DNAJC22: variants seen among roughly 807,000 people sequenced by gnomAD.
DNAJC22 encodes the protein DnaJ heat shock protein family (Hsp40) member C22.
DNAJC22 carries 24 observed loss-of-function variants against 22.2 expected under a neutral mutation model. The observed-to-expected ratio is 1.08, with a 90% CI of 0.78 to 1.52. The LOEUF (loss-of-function observed/expected upper bound fraction) is 1.52, where lower values mean the gene tolerates loss of function less well. DNAJC22 is among the 40% of genes most tolerant of loss of function. The probability of loss-of-function intolerance (pLI) is 0.00; values close to 1 mark genes in which losing one functional copy is unlikely to be tolerated. For synonymous variants in DNAJC22, 160 were observed against 167.4 expected (o/e 0.96, Z 0.34); for missense variants, 434 against 421.7 (o/e 1.03, Z -0.26).
At position 49,349,705 on chromosome 12, in the gene DNAJC22, C is replaced by T. The variant is rs1180843815; in HGVS notation, c.833C>T (p.Ala278Val). 3.1e-6 allele frequency: 5 copies of T among 1,614,058 alleles called. No individual in the cohort carries two copies. The highest frequency in any genetic ancestry group is 4.2e-6 in the Non-Finnish European group (5 of 1,180,036). The change falls in exon 3 of 4, where the codon GCT becomes GTT. Residue 278 changes from alanine to valine, a missense_variant. Transcript: ENST00000549441. Reference protein sequence around the residue: ...HSFQDEKRQLAYQVLGLSEGA... With the variant: ...HSFQDEKRQLVYQVLGLSEGA... ...TTTCAGGATGAGAAGCGTCAGCTGG[C>T]TTACCAGGTAAGGCTTTCTTCCCTC...
chr12:49,350,097 G>A (rs1203339340), intron 3 of DNAJC22, among the ~76,000 whole-genome samples: 2 of 145,458 alleles, frequency 1.4e-5, no homozygotes, highest in Non-Finnish European at 3.0e-5. Context: ...TTTTTTTTGA[G>A]ATGGAGTCTC....
At position 49,347,759 on chromosome 12, in the gene DNAJC22, T is replaced by A. The variant is rs1415421130; in HGVS notation, c.-454T>A. ...GTCTGGGGACCGCCCGGACCCCCCC[T>A]TCCATCGGCGGCAGCGCCACCTGGC... On this transcript the variant is annotated 5_prime_UTR_variant, in exon 2 of 4. Coordinates refer to ENST00000549441, the MANE Select transcript of DNAJC22 (RefSeq NM_001304944.2). 1 of 152,466 alleles carries A rather than the reference T, an allele frequency of 6.6e-6. No homozygotes were observed. The highest frequency in any genetic ancestry group is 1.5e-5 in the Non-Finnish European group (1 of 68,242). 9.4% of individuals were successfully genotyped at this position (152,466 alleles called of 1,614,324 possible).
chr12:49,349,839 G>A, intron 3 of DNAJC22, 127 bp downstream of exon 3: 2 of 1,516,252 alleles, frequency 1.3e-6, no homozygotes, highest in East Asian at 4.5e-5. Flanking sequence ...GTGTACAATG[G>A]GCAAAGGTTA....
chr12:49,351,900 C>CAA lies in DNAJC22; in HGVS notation c.*411_*412dup, dbSNP rs1471610984. ...GGGCAACAAGAGTGAAACTCCGTCT[C>CAA]AAAAAAAAAAAAAAGAAAGAAAAAC... is the stretch of plus-strand genomic sequence containing the variant. On this transcript the variant is annotated 3_prime_UTR_variant, in exon 4 of 4. Transcript: ENST00000549441. 33 of 94,884 alleles carry CAA rather than the reference C, an allele frequency of 3.5e-4. 1 individual carries two copies. The highest frequency in any genetic ancestry group is 9.6e-4 in the African/African-American group (27 of 28,148). The allele number at this position is 94,884 out of a possible 1,614,324, so 5.9% of individuals were successfully genotyped here. A position where few individuals can be genotyped will look rare whatever the true frequency, so the allele number is the denominator to read the frequency against.
rs1943716350 is a variant in DNAJC22 at position 49,347,713 on chromosome 12, GCCTCGGTA to G, written c.-497_-490del. ...CATAGGGGCAGTCCTGTGCTGCTGT[GCCTCGGTA>G]CCCGCACAAGGTGTCTGGGGACCGC... is the stretch of plus-strand genomic sequence containing the variant. On this transcript the variant is annotated 5_prime_UTR_variant, in exon 2 of 4. Coordinates refer to ENST00000549441, the MANE Select transcript of DNAJC22 (RefSeq NM_001304944.2). The G allele has an allele frequency of 6.6e-6, 1 of 152,318 alleles. No homozygotes were observed. The highest frequency in any genetic ancestry group is 1.5e-5 in the Non-Finnish European group (1 of 68,094). The allele number at this position is 152,318 out of a possible 1,614,324, so 9.4% of individuals were successfully genotyped here.
rs1376347587 is a variant in DNAJC22 at position 49,349,393 on chromosome 12, C to T, written c.521C>T (p.Ala174Val). The stretch of plus-strand genomic sequence containing the variant: ...CATCGCCGCTACAAAGCTTTGGTGG[C>T]ATCAGAGCCGCTCAGTGTGCGGCTC... Reference protein sequence around the residue: ...QRHRRYKALVASEPLSVRLYR... With the variant: ...QRHRRYKALVVSEPLSVRLYR... The change falls in exon 3 of 4, where the codon GCA (alanine) becomes GTA (valine). Residue 174 changes from alanine to valine, a missense_variant. Physicochemically the swap from Ala to Val is moderately conservative, Grantham distance 64. Transcript: ENST00000549441. 11 of 1,607,668 alleles carry T rather than the reference C, an allele frequency of 6.8e-6. No homozygotes were observed. Among genetic ancestry groups the T allele is most frequent in the South Asian group, 3.3e-5 (3 of 90,266 alleles).
In DNAJC22 at chr12:49,349,469, T is replaced by G. The variant is rs759025648; in HGVS notation, c.597T>G (p.Ser199Arg). 2 of 1,614,218 alleles carry G rather than the reference T, an allele frequency of 1.2e-6. No individual in the cohort carries two copies. The highest frequency in any genetic ancestry group is 3.3e-5 in the Admixed American group (2 of 60,030). ...CTTTCACAGGCCCACTGGCATACAG[T>G]GCCCTCTGCAACACAGCTGCCACCC... ...YLAFTGPLAY[S>R]ALCNTAATLS... Residue 199 changes from serine to arginine, a missense_variant, in exon 3 of 4, where the codon AGT becomes AGG. By Grantham distance (110) the Ser-to-Arg change is moderately radical. Coordinates refer to ENST00000549441, the MANE Select transcript of DNAJC22 (RefSeq NM_001304944.2).
Position 49,349,595 on chromosome 12 carries a change from G to A in DNAJC22, c.723G>A (p.Arg241=), listed in dbSNP as rs1347445914. The change falls in exon 3 of 4, where the codon CGG becomes CGA. Residue 241 remains arginine (R), a synonymous_variant. Transcript: ENST00000549441. ...LMEFVLLLPY[R]IWRLLMGETG... is the part of the protein sequence containing the mutation. The stretch of plus-strand genomic sequence containing the variant: ...AGTTTGTCCTCCTTCTGCCTTACCG[G>A]ATCTGGAGGCTACTGATGGGGGAGA... 1 of 1,614,244 alleles carries A rather than the reference G, an allele frequency of 6.2e-7. No individual in the cohort carries two copies. The highest frequency in any genetic ancestry group is 2.2e-5 in the East Asian group (1 of 44,888).
intron 3 of DNAJC22, among the ~76,000 whole-genome samples, chr12:49,350,083 T>TC (rs990869601): frequency 6.7e-5 from 10 of 148,186 alleles, no homozygotes; most frequent in African/African-American, 2.4e-4. Context: ...TTCTTCTTCT[T>TC]TTTTTTTTTT....
Position 49,351,296 on chromosome 12 carries a change from G to C in DNAJC22, c.841-21G>C, listed in dbSNP as rs1298995136. On this transcript the variant is annotated intron_variant, in intron 3 of 3. Coordinates refer to ENST00000549441, the MANE Select transcript of DNAJC22 (RefSeq NM_001304944.2). ...CTGACAACTTGGGGGATTCTAATTT[G>C]TCATCTTCTGTTTCCATAAGGTTTT... The C allele has an allele frequency of 1.9e-6, 3 of 1,613,014 alleles. No individual in the cohort carries two copies. The South Asian group carries it at 3.3e-5, about 18-fold the overall frequency.
Position 49,352,686 on chromosome 12 carries a change from T to C in DNAJC22, c.*1184T>C, listed in dbSNP as rs1210355964. ...TAGATGGGGTGAGACTAGGATTAAA[T>C]TTCAAAATTTGAGAAAAATATTTTC... On this transcript the variant is annotated 3_prime_UTR_variant, in exon 4 of 4. Coordinates refer to ENST00000549441, the MANE Select transcript of DNAJC22 (RefSeq NM_001304944.2). The C allele has an allele frequency of 6.6e-6, 1 of 152,212 alleles. No individual in the cohort carries two copies. 9.4% of individuals were successfully genotyped at this position (152,212 alleles called of 1,614,324 possible). A position where few individuals can be genotyped will look rare whatever the true frequency, so the allele number is the denominator to read the frequency against.
chr12:49,350,511 T>G (rs1413704735), intron 3 of DNAJC22, among the ~76,000 whole-genome samples: 269 of 149,192 alleles, frequency 1.8e-3, no homozygotes, highest in Non-Finnish European at 3.4e-3. Flanking sequence ...TTTTTTTTTT[T>G]TTTTGAGATG....
At chr12:49,350,429 T>G (rs1439275645) in intron 3 of DNAJC22, among the ~76,000 whole-genome samples, 1 of 152,018 alleles carries the variant, frequency 6.6e-6, no homozygotes, top group Non-Finnish European at 1.5e-5. Flanking sequence ...GTATGTGTTC[T>G]TTTGTATTTG....
Position 49,347,890 on chromosome 12 carries a change from G to C in DNAJC22, c.-323G>C, listed in dbSNP as rs1169443739. 2 of 152,386 alleles carry C rather than the reference G, an allele frequency of 1.3e-5. No homozygotes were observed. Among genetic ancestry groups the C allele is most frequent in the East Asian group, 3.8e-4 (2 of 5,196 alleles). 9.4% of individuals were successfully genotyped at this position (152,386 alleles called of 1,614,324 possible). A position where few individuals can be genotyped will look rare whatever the true frequency, so the allele number is the denominator to read the frequency against. On this transcript the variant is annotated 5_prime_UTR_variant, in exon 2 of 4. Transcript: ENST00000549441. Reference sequence around the variant, plus strand: ...TTGCACCGAGTTTCCCCGCGAGGGCGGGCGGGAGGAGTCCCAGGCGGGAAT... The same window carrying C: ...TTGCACCGAGTTTCCCCGCGAGGGCCGGCGGGAGGAGTCCCAGGCGGGAAT...
intron 2 of DNAJC22, among the ~76,000 whole-genome samples, 188 bp from the exon 3 acceptor site, chr12:49,348,578 C>T (rs1943729475): frequency 6.6e-6 from 1 of 152,170 alleles, no homozygotes; most frequent in Non-Finnish European, 1.5e-5. Context: ...ATTTAAACAG[C>T]TTTCTCCTCT....
Position 49,348,763 on chromosome 12 carries a change from T to G in DNAJC22, c.-107-3T>G. 1 of 1,369,036 alleles carries G rather than the reference T, an allele frequency of 7.3e-7. No homozygotes were observed. The highest frequency in any genetic ancestry group is 9.5e-7 in the Non-Finnish European group (1 of 1,053,060). 84.8% of individuals were successfully genotyped at this position (1,369,036 alleles called of 1,614,324 possible). ...TATGACTCTACTTTTTCCCATCTCT[T>G]AGGGTCTAAGGATAACTCTGGGGCC... On this transcript the variant is annotated splice_polypyrimidine_tract_variant and splice_region_variant and intron_variant, in intron 2 of 3. Coordinates refer to ENST00000549441, the MANE Select transcript of DNAJC22 (RefSeq NM_001304944.2).
intron 3 of DNAJC22, 138 bp downstream of exon 3, chr12:49,349,850 C>T (rs896920320): frequency 2.0e-6 from 3 of 1,499,132 alleles, no homozygotes; most frequent in African/African-American, 1.4e-5. Context: ...GCAAAGGTTA[C>T]AGATGCTGTG....
At chr12:49,350,027 C>A (rs1408665679) in intron 3 of DNAJC22, among the ~76,000 whole-genome samples, 1 of 152,042 alleles carries the variant, frequency 6.6e-6, no homozygotes, top group African/African-American at 2.4e-5. Flanking sequence ...CTTCAGAGGT[C>A]ATTTCTATTC....
At position 49,347,187 on chromosome 12, in the gene DNAJC22, C is replaced by T. The variant is rs1943710806; in HGVS notation, c.-934C>T. ...CTTGCATTGCAGCTCCGTTGCAGCGCAGAGGCGCAGGAAGGCAGACTACCA... is the reference window on the plus strand; with the variant it reads ...CTTGCATTGCAGCTCCGTTGCAGCGTAGAGGCGCAGGAAGGCAGACTACCA... On this transcript the variant is annotated 5_prime_UTR_variant, in exon 1 of 4. Coordinates refer to ENST00000549441, the MANE Select transcript of DNAJC22 (RefSeq NM_001304944.2). 1 of 152,314 alleles carries T rather than the reference C, an allele frequency of 6.6e-6. No homozygotes were observed. The highest frequency in any genetic ancestry group is 1.5e-5 in the Non-Finnish European group (1 of 68,080). 9.4% of individuals were successfully genotyped at this position (152,314 alleles called of 1,614,324 possible).
Sources: gnomAD v4.1 joint callset for allele counts (sites outside exome capture counted in the v4.1 genomes callset) on GRCh38, gnomAD v4.1.1 for gene constraint, MANE v1.5 for transcripts, NCBI Gene and HGNC (gene_info 2026-07-23, HGNC 2026-07-21) for gene names.